ARHGAP6: variants seen among roughly 807,000 people sequenced by gnomAD.
ARHGAP6 encodes rho GTPase-activating protein 6.
ARHGAP6 carries 16 observed loss-of-function variants against 55.7 expected under a neutral mutation model. The observed-to-expected ratio is 0.29, with a 90% CI of 0.19 to 0.44. ARHGAP6 has a LOEUF of 0.44. Among genes scored for constraint, ARHGAP6 ranks in the 20% least tolerant of loss-of-function variants. The pLI is 1.00. For missense variants in ARHGAP6, 698 were observed against 808.9 expected (o/e 0.86, Z 1.66); for synonymous variants, 382 against 360.9 (o/e 1.06, Z -0.66).
intron 1 of ARHGAP6, among the ~76,000 whole-genome samples, chrX:11,627,219 G>A (rs1046655082): frequency 9.0e-6 from 1 of 111,355 alleles, no homozygotes; most frequent in Non-Finnish European, 1.9e-5. Context: ...AATATCATAT[G>A]TGTGCCAATT....
intron 1 of ARHGAP6, among the ~76,000 whole-genome samples, chrX:11,316,162 T>C: frequency 1.8e-5 from 2 of 112,274 alleles, no homozygotes; most frequent in Middle Eastern, 4.6e-3. Context: ...CAAGCTATCA[T>C]CATCTCTCAC....
chrX:11,300,856 T>C (rs1315407079), intron 1 of ARHGAP6: 6 of 283,307 alleles, frequency 2.1e-5, no homozygotes, highest in Non-Finnish European at 6.4e-6. Context: ...GAACTGCTCA[T>C]TTAGTCATAC....
At chrX:11,626,027 A>G (rs746519018) in intron 1 of ARHGAP6, among the ~76,000 whole-genome samples, 1 of 112,061 alleles carries the variant, frequency 8.9e-6, no homozygotes, top group South Asian at 3.6e-4. Flanking sequence ...ATAAAACAAG[A>G]TGTAATAAAA....
chrX:11,491,739 T>G (rs890359311), intron 1 of ARHGAP6, among the ~76,000 whole-genome samples: 1 of 111,092 alleles, frequency 9.0e-6, no homozygotes, highest in Non-Finnish European at 1.9e-5. Flanking sequence ...AGTAATGGGA[T>G]GGCTGGTTCA....
chrX:11,259,726 A>G (rs2047534254), intron 1 of ARHGAP6, among the ~76,000 whole-genome samples: 1 of 111,594 alleles, frequency 9.0e-6, no homozygotes, highest in Non-Finnish European at 1.9e-5. Flanking sequence ...CTTGAACCTG[A>G]CACTCTCAGA....
intron 1 of ARHGAP6, among the ~76,000 whole-genome samples, chrX:11,400,553 T>C (rs773009781): frequency 2.0e-5 from 2 of 100,292 alleles, no homozygotes; most frequent in East Asian, 7.4e-4. Context: ...CTGCTTCAGG[T>C]GGAATTTACA....
chrX:11,517,228 A>G (rs1245491800), intron 1 of ARHGAP6, among the ~76,000 whole-genome samples: 1 of 111,688 alleles, frequency 9.0e-6, no homozygotes, highest in Non-Finnish European at 1.9e-5. Flanking sequence ...CAAGACAACA[A>G]ACAGACACAT....
Position 11,379,130 on chromosome X carries a change from A to G in ARHGAP6, c.589-124423T>C, listed in dbSNP as rs933017478. 8.0e-5 allele frequency among the ~76,000 whole-genome samples: 9 copies of G among 112,016 alleles called. No individual in the cohort carries two copies. The Admixed American group carries it at 8.5e-4, about 11-fold the overall frequency. ...GCTTAGCTATGCAGCTCTACGCCAC[A>G]TGTCTCTCATTCCTCTCCAGCAATC... On this transcript the variant is annotated intron_variant, in intron 1 of 12. Coordinates refer to ENST00000337414, the MANE Select transcript of ARHGAP6 (RefSeq NM_013427.3).
In ARHGAP6 at chrX:11,405,236, C is replaced by T. The variant is rs112816599; in HGVS notation, c.589-150529G>A. 7.5e-3 allele frequency among the ~76,000 whole-genome samples: 836 copies of T among 111,777 alleles called. 8 individuals carry two copies. Among genetic ancestry groups the T allele is most frequent in the African/African-American group, 0.026 (795 of 30,783 alleles). ...CCACCACATGGCCATGGGTGCCCAC[C>T]TTGAGGTCCCAGGTGACCCCAGTAC... On this transcript the variant is annotated intron_variant, in intron 1 of 12. Transcript: ENST00000337414.
At position 11,143,972 on chromosome X, in the gene ARHGAP6, C is replaced by T; in HGVS notation, c.2176+8G>A. The T allele has an allele frequency of 8.2e-7, 1 of 1,212,160 alleles. No individual in the cohort carries two copies. The highest frequency in any genetic ancestry group is 2.3e-4 in the Middle Eastern group (1 of 4,356). On this transcript the variant is annotated splice_region_variant and intron_variant, in intron 11 of 12. Transcript: ENST00000337414. ...TTGGCCAGCGCCTGCTGGCCAGGCT[C>T]CAGTTACCTTTCCCAAGCCTTGGTC...
intron 1 of ARHGAP6, among the ~76,000 whole-genome samples, chrX:11,489,803 A>G (rs1329644633): frequency 1.8e-5 from 2 of 112,005 alleles, no homozygotes; most frequent in Non-Finnish European, 3.8e-5. Flanking sequence ...CACTAAAAGG[A>G]GAGGGCTAGC....
At chrX:11,209,543 T>C (rs953095862) in intron 2 of ARHGAP6, among the ~76,000 whole-genome samples, 1 of 112,505 alleles carries the variant, frequency 8.9e-6, no homozygotes, top group South Asian at 3.6e-4. Context: ...AATAACCAAA[T>C]AGAATGTTCT....
At chrX:11,427,547 C>CCG in intron 1 of ARHGAP6, 1 of 929,005 alleles carries the variant, frequency 1.1e-6, no homozygotes, top group Non-Finnish European at 1.4e-6. Context: ...AGGACACTCA[C>CCG]CGCGTAGTGC....
chrX:11,364,349 C>G (rs2049048354), intron 1 of ARHGAP6, among the ~76,000 whole-genome samples: 3 of 105,265 alleles, frequency 2.8e-5, no homozygotes, highest in Admixed American at 2.1e-4. Context: ...ACCTTTGAAA[C>G]TAAAAATGTT....
intron 10 of ARHGAP6, among the ~76,000 whole-genome samples, chrX:11,152,343 C>G (rs2045793073): frequency 8.9e-6 from 1 of 112,139 alleles, no homozygotes; most frequent in Admixed American, 9.4e-5. Flanking sequence ...GGATAATTGA[C>G]TTGCCAATGC....
intron 1 of ARHGAP6, among the ~76,000 whole-genome samples, chrX:11,547,327 T>C (rs1339794136): frequency 1.8e-5 from 2 of 112,348 alleles, no homozygotes; most frequent in African/African-American, 6.5e-5. Flanking sequence ...AATTTGAATG[T>C]GCATAGCGAT....
chrX:11,495,001 A>G (rs1214535346), intron 1 of ARHGAP6, among the ~76,000 whole-genome samples: 4 of 112,290 alleles, frequency 3.6e-5, no homozygotes, highest in Non-Finnish European at 7.5e-5. Flanking sequence ...TAACATATTT[A>G]GGAAATATTG....
chrX:11,298,712 T>G, intron 1 of ARHGAP6: 1 of 1,211,017 alleles, frequency 8.3e-7, no homozygotes, highest in Non-Finnish European at 1.1e-6. Context: ...TGATGCCCGT[T>G]CCTGGCCAAC....
Position 11,664,566 on chromosome X carries a change from G to A in ARHGAP6, c.263C>T (p.Pro88Leu). 1 of 1,189,414 alleles carries A rather than the reference G, an allele frequency of 8.4e-7. No homozygotes were observed. Among genetic ancestry groups the A allele is most frequent in the Non-Finnish European group, 1.1e-6 (1 of 883,872 alleles). Residue 88 changes from proline (P) to leucine (L), a missense_variant, in exon 1 of 13, where the codon CCC becomes CTC. Coordinates refer to ENST00000337414, the MANE Select transcript of ARHGAP6 (RefSeq NM_013427.3). ...AGGAGGCGGTAGCCTGGTGGCCCTGGGGGGCGGACCCCGGGAAGAGGACGC... is the reference window on the plus strand; with the variant it reads ...AGGAGGCGGTAGCCTGGTGGCCCTGAGGGGCGGACCCCGGGAAGAGGACGC... ...RLASSSRGPP[P>L]RATRLPPPGP...
Sources: allele counts gnomAD v4.1 joint callset (sites outside exome capture counted in the v4.1 genomes callset), GRCh38; gene constraint gnomAD v4.1.1; transcripts MANE v1.5; gene names NCBI Gene and HGNC (gene_info 2026-07-23, HGNC 2026-07-21).